The following BICDL1 variants were observed in gnomAD, a reference collection of about 807,000 sequenced individuals.
The protein encoded by BICDL1 is BICD family-like cargo adapter 1.
Under a neutral mutation model 76.8 loss-of-function variants are expected in BICDL1, and 20 were observed. The observed-to-expected ratio is 0.26, with a 90% CI of 0.18 to 0.38. The LOEUF (loss-of-function observed/expected upper bound fraction) is 0.38, where lower values mean the gene tolerates loss of function less well. BICDL1 is among the 10% of genes least tolerant of loss of function. The pLI is 1.00. For synonymous variants in BICDL1, 383 were observed against 337.1 expected, an observed-to-expected ratio of 1.14 and a Z score of -1.49; for missense variants, 700 against 798.6, an observed-to-expected ratio of 0.88 and a Z score of 1.49.
At chr12:120,002,377 A>G (rs1480541747) in intron 2 of BICDL1, among the ~76,000 whole-genome samples, 1 of 151,932 alleles carries the variant, frequency 6.6e-6, no homozygotes, top group Non-Finnish European at 1.5e-5. Flanking sequence ...AACAGATACA[A>G]CTCTTGGATG....
intron 9 of BICDL1, chr12:120,091,369 GTGTGC>G: frequency 9.9e-7 from 1 of 1,011,642 alleles, no homozygotes; most frequent in Non-Finnish European, 1.2e-6. Flanking sequence ...GAAGTTTTCA[GTGTGC>G]CAAACAAAAC....
chr12:120,038,950 C>CT (rs1405011281), intron 2 of BICDL1, among the ~76,000 whole-genome samples: 1 of 152,116 alleles, frequency 6.6e-6, no homozygotes, highest in Non-Finnish European at 1.5e-5. Context: ...ATGCAAGAGA[C>CT]TGTCATTAGA....
chr12:120,089,829 A>T, intron 8 of BICDL1, 122 bp from the exon 9 acceptor site: 1 of 1,151,026 alleles, frequency 8.7e-7, no homozygotes, highest in South Asian at 1.5e-5. Context: ...TGCAGCTGCT[A>T]TTTGTTGTGA....
intron 2 of BICDL1, among the ~76,000 whole-genome samples, chr12:120,028,337 G>A (rs577620489): frequency 6.6e-6 from 1 of 151,836 alleles, no homozygotes; most frequent in Admixed American, 6.6e-5. Context: ...CTTTACAAAG[G>A]CCCATTGTCA....
rs1307995304 is a variant in BICDL1 at position 119,989,528 on chromosome 12, G to C, written c.-341G>C. On this transcript the variant is annotated 5_prime_UTR_variant, in exon 1 of 10. Coordinates refer to ENST00000548673, the MANE Select transcript of BICDL1 (RefSeq NM_001367886.1). Reference sequence around the variant, plus strand: ...GAACCCGGCGGCGGCGTTCCTCCTCGCTTCCTCCCCTCCCGCTTCGCCGAC... The same window carrying C: ...GAACCCGGCGGCGGCGTTCCTCCTCCCTTCCTCCCCTCCCGCTTCGCCGAC... Among the ~76,000 whole-genome samples the C allele has an allele frequency of 4.7e-5, 7 of 150,360 alleles. No homozygotes were observed. Among genetic ancestry groups the C allele is most frequent in the African/African-American group, 1.2e-4 (5 of 41,212 alleles).
chr12:120,058,019 G>C (rs1197386838), intron 2 of BICDL1, among the ~76,000 whole-genome samples: 1 of 151,660 alleles, frequency 6.6e-6, no homozygotes, highest in Non-Finnish European at 1.5e-5. Flanking sequence ...ATTTTTAGAA[G>C]AGACGGAGTT....
chr12:120,065,350 G>A (rs970487352), intron 4 of BICDL1, among the ~76,000 whole-genome samples: 3 of 152,208 alleles, frequency 2.0e-5, no homozygotes, highest in African/African-American at 7.2e-5. Flanking sequence ...TTTATATGCT[G>A]CTTCTGCCAG....
intron 8 of BICDL1, among the ~76,000 whole-genome samples, chr12:120,087,523 G>A (rs1227279568): frequency 6.6e-6 from 1 of 152,240 alleles, no homozygotes; most frequent in African/African-American, 2.4e-5. Flanking sequence ...GAGCTAGGCG[G>A]CCTCTGCAGG....
intron 9 of BICDL1, 48 bp from the exon 10 acceptor site, chr12:120,092,952 G>C: frequency 2.0e-6 from 3 of 1,504,026 alleles, no homozygotes; most frequent in Non-Finnish European, 2.7e-6. Flanking sequence ...CCCAGGGTTA[G>C]GTGAGAGCAG....
chr12:120,059,425 G>A (rs1354047851), intron 2 of BICDL1, among the ~76,000 whole-genome samples: 3 of 151,910 alleles, frequency 2.0e-5, no homozygotes, highest in Admixed American at 6.6e-5. Flanking sequence ...ACAGGTGCAT[G>A]CCACCATGCC....
At chr12:120,088,916 G>C (rs562656650) in intron 8 of BICDL1, among the ~76,000 whole-genome samples, 16 of 152,204 alleles carry the variant, frequency 1.1e-4, no homozygotes, top group African/African-American at 2.9e-4. Context: ...CGCCCGCCTT[G>C]GCCTCCCAAA....
At chr12:119,990,365 G>A in intron 1 of BICDL1, 68 bp downstream of exon 1, 11 of 1,526,200 alleles carry the variant, frequency 7.2e-6, no homozygotes, top group South Asian at 2.5e-5. Flanking sequence ...GCCCTGGGCA[G>A]TTAGGGAACC....
At chr12:120,055,132 G>A (rs1952947708) in intron 2 of BICDL1, among the ~76,000 whole-genome samples, 1 of 152,060 alleles carries the variant, frequency 6.6e-6, no homozygotes, top group South Asian at 2.1e-4. Flanking sequence ...ATCATGCCCT[G>A]GCAAAAGAAA....
chr12:120,085,731 T>C (rs145891135), intron 8 of BICDL1, among the ~76,000 whole-genome samples: 1,695 of 145,756 alleles, frequency 0.012, 16 homozygotes, highest in Non-Finnish European at 0.017. Flanking sequence ...GCCCAGAAGG[T>C]TGAGGCTGCA....
intron 6 of BICDL1, among the ~76,000 whole-genome samples, chr12:120,073,086 G>A (rs1873237674): frequency 6.6e-6 from 1 of 152,286 alleles, no homozygotes; most frequent in South Asian, 2.1e-4. Flanking sequence ...TGTTGGCCAG[G>A]CTAGTTTTAA....
chr12:119,993,895 C>T (rs1321533836), intron 1 of BICDL1, among the ~76,000 whole-genome samples: 8 of 152,196 alleles, frequency 5.3e-5, no homozygotes, highest in Non-Finnish European at 1.0e-4. Context: ...GGATTATAGG[C>T]GTGAGCCACT....
intron 2 of BICDL1, among the ~76,000 whole-genome samples, 182 bp downstream of exon 2, chr12:119,998,918 A>G (rs1277161754): frequency 6.6e-6 from 1 of 152,004 alleles, no homozygotes; most frequent in Non-Finnish European, 1.5e-5. Flanking sequence ...TTAGCCAGGC[A>G]TGGTGGCACC....
At chr12:120,040,709 C>G (rs1168998897) in intron 2 of BICDL1, among the ~76,000 whole-genome samples, 1 of 151,688 alleles carries the variant, frequency 6.6e-6, no homozygotes, top group Non-Finnish European at 1.5e-5. Context: ...AACCATCACA[C>G]CTGGCCCTAT....
chr12:120,006,808 TAGTC>T (rs949738180), intron 2 of BICDL1, among the ~76,000 whole-genome samples: 1 of 152,150 alleles, frequency 6.6e-6, no homozygotes, highest in Non-Finnish European at 1.5e-5. Flanking sequence ...CCAGGGGTTT[TAGTC>T]AGTGTGCTGG....
Sources: allele counts gnomAD v4.1 joint callset (sites outside exome capture counted in the v4.1 genomes callset), GRCh38; gene constraint gnomAD v4.1.1; transcripts MANE v1.5; gene names NCBI Gene and HGNC (gene_info 2026-07-23, HGNC 2026-07-21).